The following PRUNE2 variants were observed in gnomAD, a reference collection of about 807,000 sequenced individuals.
PRUNE2 encodes protein prune homolog 2.
In PRUNE2, 164 loss-of-function variants were observed where a neutral mutation model predicts 252.0. The observed-to-expected ratio is 0.65, with a 90% CI of 0.57 to 0.74. PRUNE2 has a LOEUF of 0.74. Among genes scored for constraint, PRUNE2 ranks in the 30% least tolerant of loss-of-function variants. The probability of loss-of-function intolerance (pLI) is 0.00; values close to 1 mark genes in which losing one functional copy is unlikely to be tolerated. For missense variants in PRUNE2, 3,495 were observed against 3,711.0 expected, an observed-to-expected ratio of 0.94 and a Z score of 1.51; for synonymous variants, 1,292 against 1,350.2, an observed-to-expected ratio of 0.96 and a Z score of 0.94.
intron 6 of PRUNE2, among the ~76,000 whole-genome samples, chr9:76,776,946 A>ACACACACACACAC (rs2053864383): frequency 7.0e-6 from 1 of 142,736 alleles, no homozygotes; most frequent in Non-Finnish European, 1.5e-5. Context: ...ACACACACAC[A>ACACACACACACAC]AAGGGCCTGG....
intron 9 of PRUNE2, among the ~76,000 whole-genome samples, chr9:76,683,437 A>C (rs1028805187): frequency 2.6e-5 from 4 of 152,204 alleles, no homozygotes; most frequent in African/African-American, 9.7e-5. Flanking sequence ...TTCTTCCTAG[A>C]GCCAGATTAG....
intron 1 of PRUNE2, among the ~76,000 whole-genome samples, chr9:76,897,390 C>CTATTTTTTT (rs1564527202): frequency 5.3e-5 from 3 of 56,252 alleles, no homozygotes; most frequent in Non-Finnish European, 7.3e-5. Context: ...AGGCAAACCT[C>CTATTTTTTT]TTTTTTTTTT....
intron 9 of PRUNE2, among the ~76,000 whole-genome samples, chr9:76,690,725 A>G (rs185706970): frequency 6.6e-6 from 1 of 152,328 alleles, no homozygotes; most frequent in Admixed American, 6.5e-5. Context: ...ATTAAACCTT[A>G]TTTAGGACAT....
intron 1 of PRUNE2, among the ~76,000 whole-genome samples, chr9:76,898,821 A>T (rs1275288108): frequency 1.3e-5 from 2 of 152,226 alleles, no homozygotes; most frequent in African/African-American, 4.8e-5. Flanking sequence ...AGACATCATC[A>T]GTTCAAAAAG....
intron 6 of PRUNE2, among the ~76,000 whole-genome samples, chr9:76,815,931 C>T (rs559749317): frequency 2.2e-4 from 34 of 152,120 alleles, no homozygotes; most frequent in South Asian, 1.7e-3. Context: ...GAGGTTGAGG[C>T]GGGTGGATCA....
At position 76,710,425 on chromosome 9, in the gene PRUNE2, C is replaced by A; in HGVS notation, c.1849G>T (p.Val617Leu). ...RIPPTPMNSL[V>L]ESSPSTEEPA... Reference sequence around the variant, plus strand: ...TCTTCAGTGGATGGCGAGCTTTCTACTAAACTATTCATGGGTGTTGGTGGG... The same window carrying A: ...TCTTCAGTGGATGGCGAGCTTTCTAATAAACTATTCATGGGTGTTGGTGGG... Residue 617 changes from valine (V) to leucine (L), a missense_variant, in exon 8 of 19, where the codon GTA (valine) becomes TTA (leucine). Transcript: ENST00000376718. 6.2e-7 allele frequency: 1 copy of A among 1,613,990 alleles called. No individual in the cohort carries two copies. Among genetic ancestry groups the A allele is most frequent in the South Asian group, 1.1e-5 (1 of 91,090 alleles).
chr9:76,659,416 G>T (rs907412525), intron 9 of PRUNE2, among the ~76,000 whole-genome samples: 1 of 152,076 alleles, frequency 6.6e-6, no homozygotes, highest in Non-Finnish European at 1.5e-5. Flanking sequence ...GACACTGAAT[G>T]CTTTTAAATA....
In PRUNE2 at chr9:76,707,420, A is replaced by T. The variant is rs376890796; in HGVS notation, c.4854T>A (p.Thr1618=). The part of the protein sequence containing the change: ...NEFEKSFDRK[T]PTFLEIWNDS... Reference sequence around the variant, plus strand: ...CATTCCAGATCTCTAAAAATGTAGGAGTTTTGCGATCAAAGCTCTTTTCAA... The same window carrying T: ...CATTCCAGATCTCTAAAAATGTAGGTGTTTTGCGATCAAAGCTCTTTTCAA... The change falls in exon 8 of 19, where the codon ACT becomes ACA. Residue 1618 remains threonine, a synonymous_variant. Coordinates refer to ENST00000376718, the MANE Select transcript of PRUNE2 (RefSeq NM_015225.3). 1,401 of 1,613,814 alleles carry T rather than the reference A, an allele frequency of 8.7e-4. 2 individuals are homozygous for T. The highest frequency in any genetic ancestry group is 1.1e-3 in the Non-Finnish European group (1,279 of 1,179,832).
At chr9:76,838,787 G>C (rs1296317938) in intron 4 of PRUNE2, among the ~76,000 whole-genome samples, 1 of 152,096 alleles carries the variant, frequency 6.6e-6, no homozygotes, top group Non-Finnish European at 1.5e-5. Flanking sequence ...ACGCTAGTTA[G>C]GGAGGGAGTG....
rs772760039 is a variant in PRUNE2 at position 76,708,558 on chromosome 9, T to C, written c.3716A>G (p.His1239Arg). Reference protein sequence around the residue: ...MSSFMLPGSSHITDSEQRELP... With the variant: ...MSSFMLPGSSRITDSEQRELP... ...TTCCCTTTGCTCTGAATCTGTGATATGTGAGGAGCCTGGTAACATGAATGA... is the reference window on the plus strand; with the variant it reads ...TTCCCTTTGCTCTGAATCTGTGATACGTGAGGAGCCTGGTAACATGAATGA... Residue 1239 changes from histidine to arginine, a missense_variant, in exon 8 of 19, where the codon CAT becomes CGT. Coordinates refer to ENST00000376718, the MANE Select transcript of PRUNE2 (RefSeq NM_015225.3). 11 of 1,613,866 alleles carry C rather than the reference T, an allele frequency of 6.8e-6. No individual in the cohort carries two copies. The highest frequency in any genetic ancestry group is 8.5e-6 in the Non-Finnish European group (10 of 1,179,898).
chr9:76,810,366 A>G (rs1045441704), intron 6 of PRUNE2, among the ~76,000 whole-genome samples: 4 of 152,244 alleles, frequency 2.6e-5, no homozygotes, highest in Admixed American at 1.3e-4. Flanking sequence ...ACATTCAATG[A>G]GTGTTGGCTA....
chr9:76,667,013 T>A (rs560645391), intron 9 of PRUNE2, among the ~76,000 whole-genome samples: 1 of 152,026 alleles, frequency 6.6e-6, no homozygotes, highest in Non-Finnish European at 1.5e-5. Flanking sequence ...ATCATTACAC[T>A]CCAGCCTGGG....
rs186649425 is a variant in PRUNE2 at position 76,707,623 on chromosome 9, T to C, written c.4651A>G (p.Asn1551Asp). ...THSSASSPEL[N>D]DSSVALSSWG... ...GAGGACAGTGCAACTGAAGAGTCAT[T>C]TAACTCAGGACTTGATGCACTTGAA... Residue 1551 changes from asparagine (N) to aspartate (D), a missense_variant, in exon 8 of 19, where the codon AAT becomes GAT. Coordinates refer to ENST00000376718, the MANE Select transcript of PRUNE2 (RefSeq NM_015225.3). 429 of 1,613,900 alleles carry C rather than the reference T, an allele frequency of 2.7e-4. 1 individual carries two copies. The highest frequency in any genetic ancestry group is 1.7e-3 in the African/African-American group (125 of 75,040).
chr9:76,749,477 T>C (rs535952135), intron 6 of PRUNE2, among the ~76,000 whole-genome samples: 2 of 152,200 alleles, frequency 1.3e-5, no homozygotes, highest in Non-Finnish European at 2.9e-5. Context: ...GCCAAACCAG[T>C]GTATAACCTC....
intron 9 of PRUNE2, among the ~76,000 whole-genome samples, chr9:76,662,767 C>G (rs2039354784): frequency 6.6e-6 from 1 of 152,106 alleles, no homozygotes; most frequent in East Asian, 1.9e-4. Context: ...GTCCATTGTT[C>G]TTTAGAAAAA....
At chr9:76,688,737 T>C (rs1308189915) in intron 9 of PRUNE2, among the ~76,000 whole-genome samples, 5 of 152,196 alleles carry the variant, frequency 3.3e-5, no homozygotes, top group African/African-American at 1.2e-4. Context: ...AAACATCAGC[T>C]TTCCATTGCT....
intron 1 of PRUNE2, chr9:76,869,171 A>T (rs2061037029): frequency 6.6e-6 from 1 of 152,178 alleles, no homozygotes; most frequent in African/African-American, 2.4e-5. Flanking sequence ...AAATGTCTGC[A>T]TTTGGAATGG....
chr9:76,865,272 T>C (rs548871837), intron 1 of PRUNE2, among the ~76,000 whole-genome samples: 3 of 152,302 alleles, frequency 2.0e-5, no homozygotes, highest in African/African-American at 7.2e-5. Flanking sequence ...GCAGGAGGAC[T>C]GCTTGAGGTC....
chr9:76,683,558 G>A (rs1490169625), intron 9 of PRUNE2, among the ~76,000 whole-genome samples: 3 of 152,056 alleles, frequency 2.0e-5, no homozygotes, highest in Non-Finnish European at 4.4e-5. Context: ...AAACAGATTG[G>A]GAAAAATATG....
Sources: allele counts gnomAD v4.1 joint callset (sites outside exome capture counted in the v4.1 genomes callset), GRCh38; gene constraint gnomAD v4.1.1; transcripts MANE v1.5; gene names NCBI Gene and HGNC (gene_info 2026-07-23, HGNC 2026-07-21).